Variants in STX11 observed in about 807,000 individuals in gnomAD.
STX11 encodes syntaxin 11.
In STX11, 21 loss-of-function variants were observed where a neutral mutation model predicts 19.9. The observed-to-expected ratio is 1.06, with a 90% CI of 0.75 to 1.52. The LOEUF is 1.52. STX11 is among the 40% of genes most tolerant of loss of function. STX11 has a pLI of 0.00. For synonymous variants in STX11, 193 were observed against 174.4 expected (o/e 1.11, Z -0.84); for missense variants, 438 against 405.9 (o/e 1.08, Z -0.68).
upstream of STX11, among the ~76,000 whole-genome samples, chr6:144,149,893 T>TGCCG (rs988957729): frequency 6.6e-6 from 1 of 152,210 alleles, no homozygotes; most frequent in African/African-American, 2.4e-5. This position sits in a 1 kb window ranked among gnomAD's most constrained non-coding sequence, Gnocchi z 5.1. Flanking sequence ...CCCGTTAAAG[T>TGCCG]GCCGGGACCT....
At chr6:144,142,301 C>G in the STX11 span, among the ~76,000 whole-genome samples, 4 of 151,804 alleles carry the variant, frequency 2.6e-5, no homozygotes, top group South Asian at 8.3e-4. Flanking sequence ...CTCATGTTTG[C>G]TAAAAATTGT....
Position 144,186,746 on chromosome 6 carries a change from T to C in STX11, c.119T>C (p.Ile40Thr). The part of the protein sequence containing the change: ...HEDIVFETDH[I>T]LESLYRDIRD... ...GACATCGTGTTCGAGACGGACCACA[T>C]CCTGGAGTCCCTGTACCGAGACATC... is the stretch of plus-strand genomic sequence containing the variant. The change falls in exon 2 of 2, where the codon ATC (isoleucine) becomes ACC (threonine). Residue 40 changes from isoleucine to threonine, a missense_variant. Physicochemically the swap from Ile to Thr is moderately conservative, Grantham distance 89. Transcript: ENST00000367568. 6.2e-7 allele frequency: 1 copy of C among 1,614,108 alleles called. No individual in the cohort carries two copies. Among genetic ancestry groups the C allele is most frequent in the East Asian group, 2.2e-5 (1 of 44,884 alleles).
At chr6:144,144,638 G>A in the STX11 span, among the ~76,000 whole-genome samples, 5 of 152,130 alleles carry the variant, frequency 3.3e-5, no homozygotes, top group Non-Finnish European at 7.4e-5. Flanking sequence ...TTAAAATGTT[G>A]CTAATGTGGC....
intron 1 of STX11, among the ~76,000 whole-genome samples, chr6:144,173,884 G>A (rs952869376): frequency 1.3e-5 from 2 of 152,204 alleles, no homozygotes; most frequent in African/African-American, 4.8e-5. Flanking sequence ...CCAAAGCCAA[G>A]GTGGAATGTT....
chr6:144,186,625 A>G lies in STX11; in HGVS notation c.-3A>G, dbSNP rs371049953. 1 of 1,613,970 alleles carries G rather than the reference A, an allele frequency of 6.2e-7. No individual in the cohort carries two copies. Among genetic ancestry groups the G allele is most frequent in the African/African-American group, 1.3e-5 (1 of 74,956 alleles). On this transcript the variant is annotated splice_region_variant and 5_prime_UTR_variant, in exon 2 of 2. Transcript: ENST00000367568. The stretch of plus-strand genomic sequence containing the variant: ...AACTTCATTATCTCTACTTGCAGGC[A>G]AAATGAAAGACCGGCTAGCAGAACT...
Position 144,153,558 on chromosome 6 carries a change from C to G in STX11, c.-6+2855C>G, listed in dbSNP as rs1454705071. Among the ~76,000 whole-genome samples, 1 of 152,044 alleles carries G rather than the reference C, an allele frequency of 6.6e-6. No homozygotes were observed. The highest frequency in any genetic ancestry group is 1.5e-5 in the Non-Finnish European group (1 of 68,030). ...CCATGAGGGTTTAATAGTACTGAAGCCTTTGAACAAGTGAATGATATTGTC... is the reference window on the plus strand; with the variant it reads ...CCATGAGGGTTTAATAGTACTGAAGGCTTTGAACAAGTGAATGATATTGTC... On this transcript the variant is annotated intron_variant, in intron 1 of 1. Transcript: ENST00000367568. The surrounding 1 kb of genome is among the most constrained non-coding windows in gnomAD (Gnocchi z 5.0).
At chr6:144,140,674 A>T in the STX11 span, 2 of 876,752 alleles carry the variant, frequency 2.3e-6, no homozygotes, top group Non-Finnish European at 2.7e-6. Context: ...GAAACTATAA[A>T]CCATCCGTGA....
Position 144,153,048 on chromosome 6 carries a change from C to T in STX11, c.-6+2345C>T, listed in dbSNP as rs9496883. Among the ~76,000 whole-genome samples the T allele has an allele frequency of 2.2e-3, 333 of 152,328 alleles. 1 individual carries two copies. Among genetic ancestry groups the T allele is most frequent in the African/African-American group, 6.4e-3 (267 of 41,566 alleles). ...GCCGTGTGAGCCAAAATGAATAAATCTACCGTATCACAGTTTACTGTTGCA... is the reference window on the plus strand; with the variant it reads ...GCCGTGTGAGCCAAAATGAATAAATTTACCGTATCACAGTTTACTGTTGCA... On this transcript the variant is annotated intron_variant, in intron 1 of 1. Coordinates refer to ENST00000367568, the MANE Select transcript of STX11 (RefSeq NM_003764.4). This position sits in a 1 kb window ranked among gnomAD's most constrained non-coding sequence, Gnocchi z 5.0.
rs537558615 is a variant in STX11, at chr6:144,177,744, C to T, written c.-5-8879C>T. On this transcript the variant is annotated intron_variant, in intron 1 of 1. Transcript: ENST00000367568. This position sits in a 1 kb window ranked among gnomAD's most constrained non-coding sequence, Gnocchi z 4.4. The stretch of plus-strand genomic sequence containing the variant: ...CAGCCTGGGTGACAGAGGGAGACTC[C>T]GTCTCAAAAAAAAGAAGAAAGAAAG... Among the ~76,000 whole-genome samples, 6 of 152,134 alleles carry T rather than the reference C, an allele frequency of 3.9e-5. 1 individual carries two copies. Among genetic ancestry groups the T allele is most frequent in the South Asian group, 4.1e-4 (2 of 4,824 alleles).
At chr6:144,163,309 A>G (rs1801392686) in intron 1 of STX11, among the ~76,000 whole-genome samples, 1 of 152,166 alleles carries the variant, frequency 6.6e-6, no homozygotes, top group African/African-American at 2.4e-5. Context: ...GTCATGGCTT[A>G]TGCCTGTAAT....
At position 144,151,363 on chromosome 6, in the gene STX11, G is replaced by C. The variant is rs1452238419; in HGVS notation, c.-6+660G>C. The C allele has an allele frequency of 1.0e-6, 1 of 985,318 alleles. No individual in the cohort carries two copies. Among genetic ancestry groups the C allele is most frequent in the Non-Finnish European group, 1.2e-6 (1 of 829,942 alleles). The allele number at this position is 985,318 out of a possible 1,614,324, so 61.0% of individuals were successfully genotyped here. A position where few individuals can be genotyped will look rare whatever the true frequency, so the allele number is the denominator to read the frequency against. The stretch of plus-strand genomic sequence containing the variant: ...TACTTCCTGTGGTTCTCACGCACTT[G>C]TTTCAGCCGTTTCTCAGCAGAGGGA... On this transcript the variant is annotated intron_variant, in intron 1 of 1. Transcript: ENST00000367568. This position sits in a 1 kb window ranked among gnomAD's most constrained non-coding sequence, Gnocchi z 4.6.
At chr6:144,149,973 G>A (rs1015991823), upstream of STX11, among the ~76,000 whole-genome samples, 1 of 152,218 alleles carries the variant, frequency 6.6e-6, no homozygotes, top group African/African-American at 2.4e-5. This position sits in a 1 kb window ranked among gnomAD's most constrained non-coding sequence, Gnocchi z 5.1. Flanking sequence ...GATATCCAGA[G>A]AATGATGAGC....
upstream of STX11, among the ~76,000 whole-genome samples, chr6:144,147,774 C>T (rs1223128235): frequency 6.6e-6 from 1 of 152,166 alleles, no homozygotes; most frequent in Non-Finnish European, 1.5e-5. This position sits in a 1 kb window ranked among gnomAD's most constrained non-coding sequence, Gnocchi z 4.2. Context: ...AGCATGGTAA[C>T]TGATGCCTGT....
intron 1 of STX11, among the ~76,000 whole-genome samples, chr6:144,158,909 C>T (rs1438253576): frequency 6.6e-6 from 1 of 152,186 alleles, no homozygotes; most frequent in African/African-American, 2.4e-5. Flanking sequence ...GTTGTCTGTG[C>T]CTGGGTCCCT....
chr6:144,151,465 T>A lies in STX11; in HGVS notation c.-6+762T>A. Reference sequence around the variant, plus strand: ...ATTGTGAGACTTTGTTAATGAACTTTTGAAAAGCGAGGCTTGCTTTAAAAT... The same window carrying A: ...ATTGTGAGACTTTGTTAATGAACTTATGAAAAGCGAGGCTTGCTTTAAAAT... On this transcript the variant is annotated intron_variant, in intron 1 of 1. Coordinates refer to ENST00000367568, the MANE Select transcript of STX11 (RefSeq NM_003764.4). The surrounding 1 kb of genome is among the most constrained non-coding windows in gnomAD (Gnocchi z 4.6). The A allele has an allele frequency of 1.0e-6, 1 of 981,174 alleles. No homozygotes were observed. Among genetic ancestry groups the A allele is most frequent in the Non-Finnish European group, 1.2e-6 (1 of 826,064 alleles). The allele number at this position is 981,174 out of a possible 1,614,324, so 60.8% of individuals were successfully genotyped here. A position where few individuals can be genotyped will look rare whatever the true frequency, so the allele number is the denominator to read the frequency against.
At chr6:144,150,937 A>C (rs2128745617) in intron 1 of STX11, among the ~76,000 whole-genome samples, 1 of 152,330 alleles carries the variant, frequency 6.6e-6, no homozygotes, top group East Asian at 1.9e-4. Context: ...AATTACTTTT[A>C]ATTTCAGAGG....
chr6:144,141,757 C>T, the STX11 span, among the ~76,000 whole-genome samples: 1 of 152,034 alleles, frequency 6.6e-6, no homozygotes, highest in Admixed American at 6.6e-5. Context: ...TGGCTCACTG[C>T]AGCCTCGAAT....
In STX11 at chr6:144,161,036, T is replaced by C. The variant is rs1801321992; in HGVS notation, c.-6+10333T>C. Among the ~76,000 whole-genome samples the C allele has an allele frequency of 3.9e-5, 6 of 152,348 alleles. No individual in the cohort carries two copies. The South Asian group carries it at 1.2e-3, about 32-fold the overall frequency. On this transcript the variant is annotated intron_variant, in intron 1 of 1. Transcript: ENST00000367568. ...AATGGTAAAGAAATAATTCTAGACA[T>C]CTGTTCTTGCACTTTTCATTTTGTA...
chr6:144,157,574 A>T (rs987213980), intron 1 of STX11, among the ~76,000 whole-genome samples: 1 of 152,174 alleles, frequency 6.6e-6, no homozygotes, highest in African/African-American at 2.4e-5. Flanking sequence ...TTTTTTTCCA[A>T]GGCCCTTAAG....
Sources: gnomAD v4.1 joint callset for allele counts (sites outside exome capture counted in the v4.1 genomes callset) on GRCh38, gnomAD v4.1.1 for gene constraint, Gnocchi (gnomAD v3.1) non-coding constraint, MANE v1.5 for transcripts, NCBI Gene and HGNC (gene_info 2026-07-23, HGNC 2026-07-21) for gene names.